Variants in SNX29 observed in about 807,000 individuals in gnomAD.
SNX29 encodes sorting nexin 29.
Under a neutral mutation model 102.1 loss-of-function variants are expected in SNX29, and 78 were observed. That is an observed-to-expected ratio of 0.76 (90% confidence interval 0.64 to 0.92). SNX29 has a LOEUF of 0.92. Ranked by LOEUF, SNX29 falls within the 40% of genes least tolerant of loss-of-function variation. The probability of loss-of-function intolerance (pLI) is 0.00; values close to 1 mark genes in which losing one functional copy is unlikely to be tolerated. For synonymous variants in SNX29, 580 were observed against 414.5 expected, an observed-to-expected ratio of 1.40 and a Z score of -4.85; for missense variants, 1,280 against 1,061.7, an observed-to-expected ratio of 1.21 and a Z score of -2.86.
chr16:12,466,441 A>G (rs1181766295), intron 18 of SNX29, among the ~76,000 whole-genome samples: 1 of 152,254 alleles, frequency 6.6e-6, no homozygotes, highest in African/African-American at 2.4e-5. Context: ...AAAACTTTAT[A>G]TACAGCAGCA....
At chr16:12,497,335 G>C (rs572959251) in intron 19 of SNX29, among the ~76,000 whole-genome samples, 1 of 152,170 alleles carries the variant, frequency 6.6e-6, no homozygotes, top group Admixed American at 6.5e-5. Flanking sequence ...CCTTGGAGAC[G>C]AATAAGATAC....
intron 14 of SNX29, among the ~76,000 whole-genome samples, chr16:12,251,604 G>A (rs755068888): frequency 4.7e-4 from 71 of 152,178 alleles, no homozygotes; most frequent in Non-Finnish European, 8.8e-4. Flanking sequence ...TCGGGAGGCT[G>A]AGGCAGGAGA....
intron 14 of SNX29, among the ~76,000 whole-genome samples, chr16:12,253,439 T>C (rs565926996): frequency 7.9e-5 from 12 of 152,140 alleles, no homozygotes; most frequent in Non-Finnish European, 1.5e-4. Context: ...AAGCTGATAA[T>C]TGATATGGAA....
At chr16:12,541,672 C>G (rs8057439) in intron 20 of SNX29, among the ~76,000 whole-genome samples, 1 of 152,192 alleles carries the variant, frequency 6.6e-6, no homozygotes. Context: ...GCCGTGCTGA[C>G]ACCCGTTTAC....
chr16:12,115,277 C>T (rs956715857), intron 11 of SNX29, among the ~76,000 whole-genome samples: 5 of 152,102 alleles, frequency 3.3e-5, no homozygotes, highest in African/African-American at 9.7e-5. Flanking sequence ...ACTGGATTCT[C>T]CTCCACAAGT....
chr16:12,538,040 G>A (rs752039600), intron 20 of SNX29, among the ~76,000 whole-genome samples: 7 of 151,556 alleles, frequency 4.6e-5, no homozygotes, highest in Non-Finnish European at 8.8e-5. Context: ...GTCCTGTCCT[G>A]CTAAAGTATA....
intron 14 of SNX29, among the ~76,000 whole-genome samples, chr16:12,255,394 A>T (rs1393943218): frequency 6.6e-6 from 1 of 151,958 alleles, no homozygotes. Flanking sequence ...GTTTCGCCAT[A>T]TTAACCAGGC....
intron 1 of SNX29, among the ~76,000 whole-genome samples, chr16:11,993,599 A>G (rs1455733088): frequency 1.1e-4 from 16 of 152,180 alleles, no homozygotes. Flanking sequence ...GGTAGGTTCT[A>G]TGATGAGCCT....
chr16:12,292,300 A>G (rs149432421), intron 15 of SNX29, among the ~76,000 whole-genome samples: 2 of 152,324 alleles, frequency 1.3e-5, no homozygotes, highest in Non-Finnish European at 2.9e-5. Flanking sequence ...ACTGTTTGTC[A>G]TTCCTACTAG....
chr16:12,357,675 C>T (rs1285717496), intron 16 of SNX29, among the ~76,000 whole-genome samples: 1 of 152,308 alleles, frequency 6.6e-6, no homozygotes, highest in East Asian at 1.9e-4. Flanking sequence ...TGAAGCTGTC[C>T]CCTTTAAACA....
chr16:12,362,084 T>C (rs751733414), intron 16 of SNX29, among the ~76,000 whole-genome samples: 4 of 152,268 alleles, frequency 2.6e-5, no homozygotes, highest in Non-Finnish European at 5.9e-5. Context: ...CAGTGTGCTT[T>C]AGAGATCTTC....
chr16:12,279,690 T>G (rs1019884183), intron 15 of SNX29, among the ~76,000 whole-genome samples: 1 of 152,216 alleles, frequency 6.6e-6, no homozygotes, highest in African/African-American at 2.4e-5. Flanking sequence ...GGTAGGACTG[T>G]GTCTTTGCCA....
At chr16:12,537,816 C>A (rs897352786) in intron 20 of SNX29, among the ~76,000 whole-genome samples, 1 of 151,724 alleles carries the variant, frequency 6.6e-6, no homozygotes, top group Non-Finnish European at 1.5e-5. Flanking sequence ...GAGGTGTGTC[C>A]ACAGCATATA....
At chr16:12,075,203 G>T (rs542539732) in intron 10 of SNX29, among the ~76,000 whole-genome samples, 1 of 152,316 alleles carries the variant, frequency 6.6e-6, no homozygotes, top group South Asian at 2.1e-4. Context: ...TCCGTTGCTG[G>T]TGAGGAACCG....
intron 3 of SNX29, among the ~76,000 whole-genome samples, chr16:12,024,621 G>C (rs1036985761): frequency 9.2e-5 from 14 of 152,312 alleles, no homozygotes; most frequent in Middle Eastern, 3.4e-3. Flanking sequence ...GTTGTGACCT[G>C]TGTGCCTCTG....
chr16:12,339,880 G>A (rs1035392969), intron 15 of SNX29, among the ~76,000 whole-genome samples: 3 of 152,298 alleles, frequency 2.0e-5, no homozygotes, highest in Admixed American at 6.5e-5. Context: ...GCCAGGGCAC[G>A]TGGCCAACAG....
chr16:12,411,237 G>A (rs1448614260), intron 18 of SNX29, among the ~76,000 whole-genome samples: 3 of 152,166 alleles, frequency 2.0e-5, no homozygotes, highest in African/African-American at 7.2e-5. Flanking sequence ...AGAGCCGGCC[G>A]TGGACTGAGG....
At position 12,552,377 on chromosome 16, in the gene SNX29, C is replaced by A. The variant is rs114563084; in HGVS notation, c.2319-16129C>A. On this transcript the variant is annotated intron_variant, in intron 20 of 20. Coordinates refer to ENST00000566228, the MANE Select transcript of SNX29 (RefSeq NM_032167.5). ...ATAAGCCAATACACGTGTAAGACAG[C>A]AAGCATGGTACCTGGCGCAGAGCAG... 7.4e-3 allele frequency among the ~76,000 whole-genome samples: 1,126 copies of A among 152,314 alleles called. 17 individuals carry two copies. Among genetic ancestry groups the A allele is most frequent in the African/African-American group, 0.026 (1,082 of 41,570 alleles).
At chr16:12,566,397 C>T (rs961990176) in intron 20 of SNX29, among the ~76,000 whole-genome samples, 1 of 138,338 alleles carries the variant, frequency 7.2e-6, no homozygotes, top group East Asian at 2.1e-4. Flanking sequence ...CTCTCCCAGG[C>T]ACTCTCAGAG....
Sources: allele counts gnomAD v4.1 joint callset (sites outside exome capture counted in the v4.1 genomes callset), GRCh38; gene constraint gnomAD v4.1.1; transcripts MANE v1.5; gene names NCBI Gene and HGNC (gene_info 2026-07-23, HGNC 2026-07-21).